Variants in PCBD2 observed in about 807,000 individuals in gnomAD.
PCBD2 encodes pterin-4-alpha-carbinolamine dehydratase 2.
A neutral mutation model predicts 16.4 loss-of-function variants in PCBD2; 12 were observed. The ratio of observed to expected loss-of-function variants is 0.73; its 90% CI spans 0.47 to 1.19. PCBD2 has a LOEUF of 1.19. Ranked by LOEUF, PCBD2 falls within the 50% of genes most tolerant of loss-of-function variation. The pLI, the probability that PCBD2 is intolerant of heterozygous loss-of-function variation, is 0.00. For synonymous variants in PCBD2, 58 were observed against 61.8 expected, an observed-to-expected ratio of 0.94 and a Z score of 0.29; for missense variants, 138 against 156.8, an observed-to-expected ratio of 0.88 and a Z score of 0.64.
At chr5:134,929,475 A>T (rs1055264360) in intron 2 of PCBD2, among the ~76,000 whole-genome samples, 1 of 152,082 alleles carries the variant, frequency 6.6e-6, no homozygotes, top group Non-Finnish European at 1.5e-5. Flanking sequence ...GTACCAGGGG[A>T]TGCCCATTGG....
intron 2 of PCBD2, chr5:134,926,538 G>A: frequency 2.5e-6 from 1 of 395,494 alleles, no homozygotes. Context: ...AGTTGAGAAA[G>A]CCATGTTGTT....
At chr5:134,954,452 G>T (rs943129586) in intron 2 of PCBD2, among the ~76,000 whole-genome samples, 11 of 151,934 alleles carry the variant, frequency 7.2e-5, no homozygotes, top group African/African-American at 2.7e-4. Flanking sequence ...TGTATTCCTA[G>T]AACTGAATGA....
At chr5:134,914,034 G>T (rs888549086) in intron 2 of PCBD2, among the ~76,000 whole-genome samples, 1 of 152,174 alleles carries the variant, frequency 6.6e-6, no homozygotes, top group Non-Finnish European at 1.5e-5. Flanking sequence ...GGGTTAGGAG[G>T]TGGGTGTAAG....
chr5:134,945,116 AAAT>A (rs1159311638), intron 2 of PCBD2, among the ~76,000 whole-genome samples: 1 of 152,236 alleles, frequency 6.6e-6, no homozygotes, highest in Non-Finnish European at 1.5e-5. Flanking sequence ...ATAAGGTATG[AAAT>A]AATAAACTTG....
intron 2 of PCBD2, chr5:134,927,656 G>A: frequency 2.5e-6 from 1 of 398,334 alleles, no homozygotes; most frequent in Non-Finnish European, 4.4e-6. Context: ...CCAGGGTGGG[G>A]ATAAGTGTGG....
intron 2 of PCBD2, among the ~76,000 whole-genome samples, chr5:134,939,381 A>G (rs969511330): frequency 6.9e-6 from 1 of 145,018 alleles, no homozygotes; most frequent in African/African-American, 2.5e-5. Flanking sequence ...AGAAGTTTGT[A>G]TTTATAACTT....
chr5:134,939,331 T>A (rs1014604932), intron 2 of PCBD2, among the ~76,000 whole-genome samples: 3 of 150,690 alleles, frequency 2.0e-5, no homozygotes, highest in African/African-American at 7.4e-5. Context: ...CAGGTTTTGA[T>A]GTTTTGTTGT....
chr5:134,905,953 A>G (rs535393911), intron 1 of PCBD2, among the ~76,000 whole-genome samples: 16 of 151,874 alleles, frequency 1.1e-4, no homozygotes, highest in African/African-American at 3.6e-4. Flanking sequence ...GCTCACTGCA[A>G]CCTCCATCTC....
intron 2 of PCBD2, among the ~76,000 whole-genome samples, chr5:134,936,430 A>C (rs80279995): frequency 6.6e-6 from 1 of 152,250 alleles, no homozygotes; most frequent in African/African-American, 2.4e-5. Flanking sequence ...AGCTGTGACC[A>C]GGGCCAGAGC....
intron 2 of PCBD2, among the ~76,000 whole-genome samples, chr5:134,938,875 G>A (rs916737092): frequency 3.3e-5 from 5 of 152,200 alleles, no homozygotes; most frequent in African/African-American, 9.6e-5. Flanking sequence ...AAAGAAAGGT[G>A]TTGTACAAAA....
chr5:134,959,365 A>G (rs1430275540), intron 3 of PCBD2, among the ~76,000 whole-genome samples: 9 of 152,214 alleles, frequency 5.9e-5, no homozygotes, highest in African/African-American at 2.2e-4. Flanking sequence ...GTTGGGCCAA[A>G]TGAGGCTCCT....
chr5:134,905,361 C>T, intron 1 of PCBD2, 138 bp downstream of exon 1: 2 of 736,180 alleles, frequency 2.7e-6, no homozygotes. Flanking sequence ...GTCGGGTCAC[C>T]GCGTCCCGGG....
At chr5:134,912,763 A>G (rs956777285) in intron 2 of PCBD2, among the ~76,000 whole-genome samples, 15 of 152,120 alleles carry the variant, frequency 9.9e-5, no homozygotes, top group African/African-American at 3.6e-4. Context: ...GTTGATGTTG[A>G]TGTTCGAAAG....
At chr5:134,934,901 AC>A (rs943730808) in intron 2 of PCBD2, among the ~76,000 whole-genome samples, 11 of 152,250 alleles carry the variant, frequency 7.2e-5, no homozygotes. Context: ...CTGTTAAAAA[AC>A]ATCTAGATTT....
chr5:134,928,718 C>T (rs1312548558), intron 2 of PCBD2, among the ~76,000 whole-genome samples: 1 of 152,126 alleles, frequency 6.6e-6, no homozygotes, highest in Admixed American at 6.5e-5. Context: ...GCCTGTAGTC[C>T]CAGCTACTTG....
At chr5:134,953,017 T>C (rs188984113) in intron 2 of PCBD2, among the ~76,000 whole-genome samples, 1 of 152,132 alleles carries the variant, frequency 6.6e-6, no homozygotes, top group Non-Finnish European at 1.5e-5. Flanking sequence ...GCCTGTTCAA[T>C]ATAATTTATT....
intron 2 of PCBD2, among the ~76,000 whole-genome samples, chr5:134,932,536 T>G (rs1288913302): frequency 6.6e-6 from 1 of 152,112 alleles, no homozygotes; most frequent in African/African-American, 2.4e-5. Context: ...GCAACATGGA[T>G]TCACCATGTT....
chr5:134,905,249 G>C (rs943115014), intron 1 of PCBD2, 26 bp downstream of exon 1: 4 of 1,223,086 alleles, frequency 3.3e-6, no homozygotes, highest in Non-Finnish European at 2.0e-6. Flanking sequence ...CCGCGTGGGT[G>C]GGGGTCCGGG....
chr5:134,925,037 T>C (rs376879840), intron 2 of PCBD2: 1 of 394,676 alleles, frequency 2.5e-6, no homozygotes, highest in Non-Finnish European at 4.5e-6. Flanking sequence ...GGGGTGGATG[T>C]GGGGAGAATG....
Sources: gnomAD v4.1 joint callset for allele counts (sites outside exome capture counted in the v4.1 genomes callset) on GRCh38, gnomAD v4.1.1 for gene constraint, MANE v1.5 for transcripts, NCBI Gene and HGNC (gene_info 2026-07-23, HGNC 2026-07-21) for gene names.